The following TSPEAR variants were observed in gnomAD, a reference collection of about 807,000 sequenced individuals.
TSPEAR encodes the protein thrombospondin type laminin G domain and EAR repeats.
TSPEAR carries 69 observed loss-of-function variants against 71.6 expected under a neutral mutation model. The ratio of observed to expected loss-of-function variants is 0.96; its 90% CI spans 0.79 to 1.18. The LOEUF (loss-of-function observed/expected upper bound fraction) is 1.18, where lower values mean the gene tolerates loss of function less well. Ranked by LOEUF, TSPEAR falls within the 50% of genes most tolerant of loss-of-function variation. The probability of loss-of-function intolerance (pLI) is 0.00; values close to 1 mark genes in which losing one functional copy is unlikely to be tolerated. For synonymous variants in TSPEAR, 402 were observed against 387.2 expected (o/e 1.04, Z -0.45); for missense variants, 971 against 894.9 (o/e 1.09, Z -1.09).
At chr21:44,601,692 G>T (rs370092) in intron 1 of TSPEAR, 3 of 1,612,284 alleles carry the variant, frequency 1.9e-6, no homozygotes, top group African/African-American at 1.3e-5. Flanking sequence ...GCTCCCGCCC[G>T]GCCTGCTGTG....
chr21:44,503,326 T>C (rs112373090), intron 11 of TSPEAR, among the ~76,000 whole-genome samples: 842 of 74,862 alleles, frequency 0.011, 3 homozygotes, highest in African/African-American at 0.034. Flanking sequence ...AGGCCGGCCT[T>C]GGTGAGCCCT....
At chr21:44,676,376 C>T (rs17211921) in intron 1 of TSPEAR, 41,659 of 1,119,708 alleles carry the variant, frequency 0.037, 921 homozygotes, top group Middle Eastern at 0.066. Context: ...AGTGGGACAG[C>T]AGGCATTTCT....
rs200726512 is a variant in TSPEAR at position 44,518,186 on chromosome 21, T to TA, written c.1566+3696dup. 3,279 of 391,422 alleles carry TA rather than the reference T, an allele frequency of 8.4e-3. 90 individuals carry two copies. Among genetic ancestry groups the TA allele is most frequent in the African/African-American group, 0.061 (2,858 of 47,230 alleles). The allele number at this position is 391,422 out of a possible 1,614,324, so 24.2% of individuals were successfully genotyped here. On this transcript the variant is annotated intron_variant, in intron 9 of 11. Coordinates refer to ENST00000323084, the MANE Select transcript of TSPEAR (RefSeq NM_144991.3). ...AATACTTCTGAAGACAAGTATAACT[T>TA]AAAAAAATTCCTTTCTGTTTCTAGA...
At chr21:44,523,335 CAG>C (rs1342613916) in intron 8 of TSPEAR, among the ~76,000 whole-genome samples, 3 of 151,580 alleles carry the variant, frequency 2.0e-5, no homozygotes, top group African/African-American at 7.3e-5. Flanking sequence ...GGTAGTCACT[CAG>C]TGAAGTGGTC....
Position 44,558,292 on chromosome 21 carries a change from G to A in TSPEAR, c.303+9493C>T, listed in dbSNP as rs190980029. 4.7e-4 allele frequency: 753 copies of A among 1,614,112 alleles called. 2 individuals are homozygous for A. Among genetic ancestry groups the A allele is most frequent in the African/African-American group, 4.5e-3 (341 of 75,014 alleles). On this transcript the variant is annotated intron_variant, in intron 2 of 11. Transcript: ENST00000323084. ...GAGGTGGTGCAGCAAGCCGGCTGGC[G>A]GCTAGACTGCTGGCAGCATGAAGAG...
intron 9 of TSPEAR, among the ~76,000 whole-genome samples, chr21:44,513,146 G>A (rs1173216110): frequency 2.0e-5 from 3 of 152,222 alleles, no homozygotes; most frequent in African/African-American, 7.2e-5. Context: ...GGGTGTCACC[G>A]GCTCCTGGTC....
chr21:44,549,361 A>G (rs587666467), intron 2 of TSPEAR, among the ~76,000 whole-genome samples: 2 of 152,354 alleles, frequency 1.3e-5, no homozygotes, highest in Non-Finnish European at 2.9e-5. Flanking sequence ...ATATCTCACA[A>G]GAGGTATCGT....
At chr21:44,562,262 C>T (rs1173445533) in intron 2 of TSPEAR, among the ~76,000 whole-genome samples, 1 of 152,052 alleles carries the variant, frequency 6.6e-6, no homozygotes, top group Non-Finnish European at 1.5e-5. Context: ...TACCTAGGAA[C>T]ACAGCTAATA....
intron 2 of TSPEAR, chr21:44,558,860 G>C: frequency 9.5e-7 from 1 of 1,047,456 alleles, no homozygotes; most frequent in Non-Finnish European, 1.4e-6. Context: ...CCCCTGCCTG[G>C]CTTCGAGAAG....
chr21:44,624,619 T>C (rs1982651276), intron 1 of TSPEAR, among the ~76,000 whole-genome samples: 1 of 152,232 alleles, frequency 6.6e-6, no homozygotes, highest in Non-Finnish European at 1.5e-5. Flanking sequence ...TTTCCGTTTT[T>C]TCCTTCATCC....
At position 44,591,476 on chromosome 21, in the gene TSPEAR, T is replaced by G. The variant is rs1289264666; in HGVS notation, c.83-23471A>C. 5.0e-6 allele frequency: 8 copies of G among 1,613,684 alleles called. No homozygotes were observed. Among genetic ancestry groups the G allele is most frequent in the South Asian group, 2.2e-5 (2 of 91,056 alleles). On this transcript the variant is annotated intron_variant, in intron 1 of 11. Transcript: ENST00000323084. ...CAGAGGAGGGAAACACAGGAGGCCG[T>G]GCGGCAGCAGCTGGGCTGGCAGGAG...
chr21:44,623,344 T>G lies in TSPEAR; in HGVS notation c.83-55339A>C, dbSNP rs1338776139. Among the ~76,000 whole-genome samples the G allele has an allele frequency of 6.6e-6, 1 of 152,228 alleles. No homozygotes were observed. Among genetic ancestry groups the G allele is most frequent in the Non-Finnish European group, 1.5e-5 (1 of 68,048 alleles). ...TTAAAGTCTAATGTAAATTAGATCT[T>G]ATATTATTTCCCAGATAGTATAGTG... On this transcript the variant is annotated intron_variant, in intron 1 of 11. Coordinates refer to ENST00000323084, the MANE Select transcript of TSPEAR (RefSeq NM_144991.3). This position sits in a 1 kb window ranked among gnomAD's most constrained non-coding sequence, Gnocchi z 4.5.
chr21:44,698,091 C>A, intron 1 of TSPEAR: 1 of 990,660 alleles, frequency 1.0e-6, no homozygotes, highest in South Asian at 1.7e-5. Context: ...CTCTCTTCCC[C>A]TAAGCCCTGG....
In TSPEAR at chr21:44,573,585, C is replaced by G. The variant is rs587699877; in HGVS notation, c.83-5580G>C. On this transcript the variant is annotated intron_variant, in intron 1 of 11. Coordinates refer to ENST00000323084, the MANE Select transcript of TSPEAR (RefSeq NM_144991.3). Reference sequence around the variant, plus strand: ...CAAAAACACAGCTACTGTTTATTCTCCTGGAGCTGGCTGTACACCCCAACA... The same window carrying G: ...CAAAAACACAGCTACTGTTTATTCTGCTGGAGCTGGCTGTACACCCCAACA... The G allele has an allele frequency of 1.1e-4, 128 of 1,133,010 alleles. 1 individual carries two copies. The African/African-American group carries it at 1.9e-3, about 16-fold the overall frequency. 70.2% of individuals were successfully genotyped at this position (1,133,010 alleles called of 1,614,324 possible).
chr21:44,632,799 G>A lies in TSPEAR; in HGVS notation c.83-64794C>T, dbSNP rs782624386. Among the ~76,000 whole-genome samples the A allele has an allele frequency of 7.5e-4, 114 of 152,278 alleles. 2 individuals are homozygous for A. The highest frequency in any genetic ancestry group is 2.9e-4 in the Non-Finnish European group (20 of 68,030). On this transcript the variant is annotated intron_variant, in intron 1 of 11. Transcript: ENST00000323084. ...GCAGAGGTTGCAGTGAGCCAAGATCGTGCCACTGCTCTCCAGCCTGGGTGG... is the reference window on the plus strand; with the variant it reads ...GCAGAGGTTGCAGTGAGCCAAGATCATGCCACTGCTCTCCAGCCTGGGTGG...
At chr21:44,625,249 G>A (rs781875293) in intron 1 of TSPEAR, among the ~76,000 whole-genome samples, 1 of 152,164 alleles carries the variant, frequency 6.6e-6, no homozygotes, top group Non-Finnish European at 1.5e-5. Context: ...AATGGGAGCT[G>A]AGCACAGCAA....
Position 44,527,506 on chromosome 21 carries a change from AGTCT to A in TSPEAR, c.931_934del (p.Arg311TrpfsTer100), listed in dbSNP as rs1400134692. 1 of 1,614,090 alleles carries A rather than the reference AGTCT, an allele frequency of 6.2e-7. No homozygotes were observed. Among genetic ancestry groups the A allele is most frequent in the Non-Finnish European group, 8.5e-7 (1 of 1,180,026 alleles). Reference sequence around the variant, plus strand: ...GTTCTGATGCTCCTCCACGTAGTCCAGTCTTTCTTTGGCTTGTGATAGAAACGTT... The same window carrying A: ...GTTCTGATGCTCCTCCACGTAGTCCATTCTTTGGCTTGTGATAGAAACGTT... On this transcript the variant is annotated frameshift_variant, in exon 7 of 12. Coordinates refer to ENST00000323084, the MANE Select transcript of TSPEAR (RefSeq NM_144991.3). LOFTEE classifies it high-confidence loss of function.
chr21:44,646,044 G>C (rs893123412), intron 1 of TSPEAR, among the ~76,000 whole-genome samples: 3 of 133,012 alleles, frequency 2.3e-5, no homozygotes, highest in Non-Finnish European at 3.1e-5. Context: ...AGAATCGCTT[G>C]AACCCAGGGG....
intron 1 of TSPEAR, among the ~76,000 whole-genome samples, chr21:44,660,497 C>T (rs139162406): frequency 6.1e-4 from 93 of 152,236 alleles, no homozygotes; most frequent in African/African-American, 2.2e-3. Flanking sequence ...AAAGAAAATC[C>T]GTCGACCCTA....
Sources: gnomAD v4.1 joint callset for allele counts (sites outside exome capture counted in the v4.1 genomes callset) on GRCh38, gnomAD v4.1.1 for gene constraint, Gnocchi (gnomAD v3.1) non-coding constraint, MANE v1.5 for transcripts, NCBI Gene and HGNC (gene_info 2026-07-23, HGNC 2026-07-21) for gene names.